MAPKBP1: variants seen among roughly 807,000 people sequenced by gnomAD.
MAPKBP1 encodes mitogen-activated protein kinase binding protein 1.
MAPKBP1 carries 71 observed loss-of-function variants against 170.5 expected under a neutral mutation model. The ratio of observed to expected loss-of-function variants is 0.42; its 90% CI spans 0.34 to 0.51. The LOEUF is 0.51. MAPKBP1 is among the 20% of genes least tolerant of loss of function. The pLI, the probability that MAPKBP1 is intolerant of heterozygous loss-of-function variation, is 0.06. For synonymous variants in MAPKBP1, 719 were observed against 757.9 expected (o/e 0.95, Z 0.84); for missense variants, 1,598 against 1,933.0 (o/e 0.83, Z 3.25).
Position 41,815,278 on chromosome 15 carries a change from A to T in MAPKBP1, c.1190A>T (p.Asp397Val). The T allele has an allele frequency of 6.2e-7, 1 of 1,614,158 alleles. No individual in the cohort carries two copies. The highest frequency in any genetic ancestry group is 8.5e-7 in the Non-Finnish European group (1 of 1,180,028). ...CTTCAGGTCTACCCCGAGGTGAAGG[A>T]TAGTAACCAGGCCTGCCTGCCCCCC... is the stretch of plus-strand genomic sequence containing the variant. ...WSVEVYPEVK[D>V]SNQACLPPSS... Residue 397 changes from aspartate (D) to valine (V), a missense_variant, in exon 11 of 31, where the codon GAT (aspartate) becomes GTT (valine). Asp to Val is a radical substitution (Grantham distance 152). This residue lies in a region of MAPKBP1 where 430 missense variants were observed against 617.2 expected (regional missense o/e 0.70). Coordinates refer to ENST00000457542, the MANE Select transcript of MAPKBP1 (RefSeq NM_014994.3).
chr15:41,805,101 TTC>T (rs759943465), intron 3 of MAPKBP1, among the ~76,000 whole-genome samples: 11 of 152,198 alleles, frequency 7.2e-5, no homozygotes, highest in Non-Finnish European at 1.0e-4. Context: ...ACTCAGAAAA[TTC>T]TCTGAGGCCC....
At position 41,825,369 on chromosome 15, in the gene MAPKBP1, C is replaced by T; in HGVS notation, c.4460C>T (p.Ala1487Val). Residue 1487 changes from alanine to valine, a missense_variant, in exon 31 of 31, where the codon GCC (alanine) becomes GTC (valine). By Grantham distance (64) the Ala-to-Val change is moderately conservative (BLOSUM62 0). Coordinates refer to ENST00000457542, the MANE Select transcript of MAPKBP1 (RefSeq NM_014994.3). The part of the protein sequence containing the change: ...PGAVGAEQTQ[A>V]LLEQYSELLL... The stretch of plus-strand genomic sequence containing the variant: ...GCTGTGGGAGCCGAGCAGACACAGG[C>T]CCTGCTGGAGCAATACTCAGAACTG... 2 of 1,613,530 alleles carry T rather than the reference C, an allele frequency of 1.2e-6. No homozygotes were observed. Among genetic ancestry groups the T allele is most frequent in the African/African-American group, 1.3e-5 (1 of 75,062 alleles).
intron 3 of MAPKBP1, 46 bp downstream of exon 3, chr15:41,799,960 G>C (rs758540259): frequency 6.6e-7 from 1 of 1,521,498 alleles, no homozygotes; most frequent in East Asian, 2.3e-5. Context: ...GGAATTTATA[G>C]CCACGCTAGA....
chr15:41,811,304 GTCCT>G, intron 5 of MAPKBP1, 69 bp downstream of exon 5: 2 of 1,553,670 alleles, frequency 1.3e-6, no homozygotes, highest in East Asian at 2.2e-5. Flanking sequence ...GAGAGCTGCG[GTCCT>G]AGGCCTGCTG....
chr15:41,815,582 G>C, intron 11 of MAPKBP1, 42 bp from the exon 12 acceptor site: 1 of 1,593,194 alleles, frequency 6.3e-7, no homozygotes, highest in Non-Finnish European at 8.6e-7. Context: ...AGCTGTACTG[G>C]TCAGGCCTGC....
chr15:41,813,003 A>C lies in MAPKBP1; in HGVS notation c.721A>C (p.Arg241=), dbSNP rs755092896. Residue 241 remains arginine, a synonymous_variant, in exon 8 of 31, where the codon AGA becomes CGA. Transcript: ENST00000457542. ...CCTATTCACTGATGTGGCCTGTGGC[A>C]GAGGAAAAAAGGCGGACAGTACCTT... ...NNLFTDVACG[R]GKKADSTFCI... The C allele has an allele frequency of 1.4e-4, 232 of 1,613,936 alleles. No homozygotes were observed. The highest frequency in any genetic ancestry group is 1.9e-4 in the Non-Finnish European group (219 of 1,179,964).
In MAPKBP1 at chr15:41,817,868, CA is replaced by C; in HGVS notation, c.1904+134del. 3 of 1,545,518 alleles carry C rather than the reference CA, an allele frequency of 1.9e-6. No homozygotes were observed. The South Asian group carries it at 3.5e-5, about 18-fold the overall frequency. On this transcript the variant is annotated intron_variant, in intron 16 of 30. Transcript: ENST00000457542. The surrounding 1 kb of genome is among the most constrained non-coding windows in gnomAD (Gnocchi z 4.2). ...CCCTTGAGCCTACAGTACTTTGCTT[CA>C]CCCAAGAGGTGGTAGCCTGTTTGCT... is the stretch of plus-strand genomic sequence containing the variant.
At chr15:41,823,354 T>G (rs1237588289) in intron 28 of MAPKBP1, 93 bp from the exon 29 acceptor site, 1 of 1,547,260 alleles carries the variant, frequency 6.5e-7, no homozygotes, top group Middle Eastern at 1.7e-4. Context: ...AATGGGCATG[T>G]GGAGGGGAAC....
Position 41,812,672 on chromosome 15 carries a change from G to A in MAPKBP1, c.636+19G>A, listed in dbSNP as rs899741823. On this transcript the variant is annotated intron_variant, in intron 7 of 30. Coordinates refer to ENST00000457542, the MANE Select transcript of MAPKBP1 (RefSeq NM_014994.3). Reference sequence around the variant, plus strand: ...CTCAAAGGTGAGGTGCTGAAGCTGGGAGTAGCCACCAAGGCCCCTGGCAGG... The same window carrying A: ...CTCAAAGGTGAGGTGCTGAAGCTGGAAGTAGCCACCAAGGCCCCTGGCAGG... 2 of 1,574,208 alleles carry A rather than the reference G, an allele frequency of 1.3e-6. No homozygotes were observed. Among genetic ancestry groups the A allele is most frequent in the South Asian group, 1.2e-5 (1 of 83,464 alleles).
chr15:41,793,764 T>C (rs2064435675), intron 2 of MAPKBP1, among the ~76,000 whole-genome samples: 1 of 152,194 alleles, frequency 6.6e-6, no homozygotes, highest in South Asian at 2.1e-4. Flanking sequence ...TTGCTCATGC[T>C]ACATATTCAG....
intron 3 of MAPKBP1, among the ~76,000 whole-genome samples, chr15:41,802,048 C>T (rs1017154018): frequency 6.6e-6 from 1 of 152,082 alleles, no homozygotes; most frequent in African/African-American, 2.4e-5. Flanking sequence ...TAGCCGGTTG[C>T]GCCTGGGCTA....
intron 3 of MAPKBP1, among the ~76,000 whole-genome samples, chr15:41,807,960 A>G (rs2064728333): frequency 6.6e-6 from 1 of 151,038 alleles, no homozygotes; most frequent in Admixed American, 6.6e-5. Context: ...AATTGCTTGA[A>G]CGCGGGAGGT....
rs1438272137 is a variant in MAPKBP1 at position 41,825,560 on chromosome 15, A to C, written c.*124A>C. ...AGCAGGGAGCAGTGTTCAGAGGCAA[A>C]GCAGCCTTCCCAGCCGCTCCTCGTG... On this transcript the variant is annotated 3_prime_UTR_variant, in exon 31 of 31. Coordinates refer to ENST00000457542, the MANE Select transcript of MAPKBP1 (RefSeq NM_014994.3). The C allele has an allele frequency of 1.2e-6, 1 of 803,350 alleles. No individual in the cohort carries two copies. The highest frequency in any genetic ancestry group is 1.9e-6 in the Non-Finnish European group (1 of 526,514). 49.8% of individuals were successfully genotyped at this position (803,350 alleles called of 1,614,324 possible). A position where few individuals can be genotyped will look rare whatever the true frequency, so the allele number is the denominator to read the frequency against.
intron 2 of MAPKBP1, among the ~76,000 whole-genome samples, chr15:41,792,802 G>T (rs1355371961): frequency 6.6e-6 from 1 of 152,126 alleles, no homozygotes; most frequent in Admixed American, 6.5e-5. Flanking sequence ...TAATTTTCTC[G>T]CAGGGCCTCT....
rs1395338486 is a variant in MAPKBP1, at chr15:41,810,956, T to C, written c.269+11T>C. On this transcript the variant is annotated intron_variant, in intron 4 of 30. Transcript: ENST00000457542. ...CCTCAACAGTTCCAGGTAAATGGGC[T>C]GGGGTCCTCAGGATACCTCTTCCTT... 2 of 1,614,072 alleles carry C rather than the reference T, an allele frequency of 1.2e-6. No homozygotes were observed. Among genetic ancestry groups the C allele is most frequent in the Non-Finnish European group, 8.5e-7 (1 of 1,180,014 alleles).
chr15:41,785,537 T>C (rs906573809), intron 2 of MAPKBP1, among the ~76,000 whole-genome samples: 1 of 152,200 alleles, frequency 6.6e-6, no homozygotes, highest in East Asian at 1.9e-4. Context: ...CTTCTCTAGA[T>C]GTAGAAATAA....
rs201801157 is a variant in MAPKBP1 at position 41,823,152 on chromosome 15, G to A, written c.3528G>A (p.Lys1176=). The A allele has an allele frequency of 7.6e-5, 122 of 1,613,644 alleles. 2 individuals are homozygous for A. The East Asian group carries it at 2.7e-3, about 35-fold the overall frequency. Residue 1176 remains lysine (K), a synonymous_variant, in exon 28 of 31, where the codon AAG becomes AAA. Coordinates refer to ENST00000457542, the MANE Select transcript of MAPKBP1 (RefSeq NM_014994.3). ...RLNPDSSWAP[K]RVATASPFSG... is the part of the protein sequence containing the mutation. ...ACCCTGACAGCAGCTGGGCTCCCAAGAGAGTGGCCACAGCCAGCCCCTTTT... is the reference window on the plus strand; with the variant it reads ...ACCCTGACAGCAGCTGGGCTCCCAAAAGAGTGGCCACAGCCAGCCCCTTTT...
chr15:41,805,717 C>G lies in MAPKBP1; in HGVS notation c.207-5166C>G, dbSNP rs139353504. On this transcript the variant is annotated intron_variant, in intron 3 of 30. Coordinates refer to ENST00000457542, the MANE Select transcript of MAPKBP1 (RefSeq NM_014994.3). ...GGTGTGACAGAATTCTCCTCCTGAA[C>G]TGTGTTCTCGTGACACCTGAGCTGA... Among the ~76,000 whole-genome samples the G allele has an allele frequency of 2.0e-3, 311 of 152,320 alleles. 1 individual carries two copies. Among genetic ancestry groups the G allele is most frequent in the African/African-American group, 7.0e-3 (291 of 41,556 alleles).
Position 41,822,221 on chromosome 15 carries a change from C to G in MAPKBP1, c.3032-4C>G, listed in dbSNP as rs2065010682. ...CGATGCCTCTCTCCCCTCCCCACAC[C>G]CAGACTCTGAGAGCACGGAGCCCCT... On this transcript the variant is annotated splice_polypyrimidine_tract_variant and splice_region_variant and intron_variant, in intron 25 of 30. Transcript: ENST00000457542. The G allele has an allele frequency of 6.2e-7, 1 of 1,610,894 alleles. No homozygotes were observed. Among genetic ancestry groups the G allele is most frequent in the South Asian group, 1.1e-5 (1 of 90,872 alleles).
Sources: allele counts gnomAD v4.1 joint callset (sites outside exome capture counted in the v4.1 genomes callset), GRCh38; gene constraint gnomAD v4.1.1; regional missense constraint gnomAD v4.1.1; non-coding constraint Gnocchi (gnomAD v3.1); transcripts MANE v1.5; gene names NCBI Gene and HGNC (gene_info 2026-07-23, HGNC 2026-07-21).